Variants in CTDP1 observed in about 807,000 individuals in gnomAD.
The protein encoded by CTDP1 is RNA polymerase II subunit A C-terminal domain phosphatase.
A neutral mutation model predicts 91.8 loss-of-function variants in CTDP1; 47 were observed. The observed-to-expected ratio is 0.51, with a 90% CI of 0.41 to 0.65. The LOEUF is 0.65. Among genes scored for constraint, CTDP1 ranks in the 30% least tolerant of loss-of-function variants. The pLI is 0.00. For synonymous variants in CTDP1, 656 were observed against 598.5 expected, an observed-to-expected ratio of 1.10 and a Z score of -1.40; for missense variants, 1,272 against 1,373.7, an observed-to-expected ratio of 0.93 and a Z score of 1.17.
At chr18:79,731,943 C>T (rs1428960389) in intron 11 of CTDP1, among the ~76,000 whole-genome samples, 2 of 151,568 alleles carry the variant, frequency 1.3e-5, no homozygotes, top group Non-Finnish European at 2.9e-5. Flanking sequence ...TAGGAGTGCT[C>T]CCCAAATCAG....
chr18:79,683,119 C>T (rs2085408970), intron 1 of CTDP1: 1 of 152,252 alleles, frequency 6.6e-6, no homozygotes, highest in East Asian at 1.9e-4. Context: ...GAACTGCCTT[C>T]AACCGTCATT....
At chr18:79,690,473 G>A (rs548039237) in intron 1 of CTDP1, among the ~76,000 whole-genome samples, 15 of 152,300 alleles carry the variant, frequency 9.8e-5, no homozygotes, top group Admixed American at 3.9e-4. Flanking sequence ...TTGTGTATCC[G>A]CATTCAAGAA....
chr18:79,714,723 C>A lies in CTDP1; in HGVS notation c.1263C>A (p.Gly421=). The change falls in exon 8 of 13, where the codon GGC becomes GGA. Residue 421 remains glycine, a synonymous_variant. Coordinates refer to ENST00000613122, the MANE Select transcript of CTDP1 (RefSeq NM_004715.5). ...QAPTSSQELA[G]APEPQGSCAQ... is the part of the protein sequence containing the mutation. ...CCACCAGCAGCCAAGAGCTGGCAGG[C>A]GCTCCTGAGCCCCAGGGATCCTGTG... 1 of 1,603,506 alleles carries A rather than the reference C, an allele frequency of 6.2e-7. No individual in the cohort carries two copies. The highest frequency in any genetic ancestry group is 8.5e-7 in the Non-Finnish European group (1 of 1,175,760).
At chr18:79,681,395 T>C (rs1239838773) in intron 1 of CTDP1, 3 of 923,556 alleles carry the variant, frequency 3.2e-6, no homozygotes, top group East Asian at 2.3e-4. Context: ...CCTGGGAGGA[T>C]TGTGGAGGCA....
intron 12 of CTDP1, among the ~76,000 whole-genome samples, chr18:79,747,372 C>T (rs968263376): frequency 2.0e-5 from 3 of 152,210 alleles, no homozygotes; most frequent in East Asian, 1.9e-4. Context: ...GTGGCATCCC[C>T]GCTGGGGCCC....
chr18:79,748,519 GT>G (rs2086925748), intron 12 of CTDP1, among the ~76,000 whole-genome samples: 1 of 152,268 alleles, frequency 6.6e-6, no homozygotes, highest in African/African-American at 2.4e-5. Context: ...TTTTTCCAAA[GT>G]GCGTGGAGGA....
chr18:79,702,685 A>G (rs958318963), intron 4 of CTDP1: 1 of 148,900 alleles, frequency 6.7e-6, no homozygotes, highest in Non-Finnish European at 1.5e-5. Context: ...ATTTTTAATA[A>G]TAAAGTATTT....
intron 6 of CTDP1, among the ~76,000 whole-genome samples, chr18:79,710,739 G>A (rs957761594): frequency 4.0e-5 from 5 of 126,004 alleles, no homozygotes; most frequent in Non-Finnish European, 7.9e-5. Flanking sequence ...TACAGACGGT[G>A]GTTTCACTGT....
At chr18:79,744,415 C>G (rs1012920641) in intron 12 of CTDP1, among the ~76,000 whole-genome samples, 4 of 152,056 alleles carry the variant, frequency 2.6e-5, no homozygotes, top group African/African-American at 9.7e-5. Context: ...CAAAAGAAAA[C>G]AGAAAAGGGA....
At position 79,697,215 on chromosome 18, in the gene CTDP1, T is replaced by TC. The variant is rs781628124; in HGVS notation, c.493-639dup. Among the ~76,000 whole-genome samples the TC allele has an allele frequency of 1.5e-4, 23 of 151,556 alleles. 1 individual carries two copies. The highest frequency in any genetic ancestry group is 5.2e-4 in the Admixed American group (8 of 15,248). Reference sequence around the variant, plus strand: ...CTTCGGGGATGGGCACGGGAGGAGGTCCCCCCTGAGCGGGACCAGGATTTT... The same window carrying TC: ...CTTCGGGGATGGGCACGGGAGGAGGTCCCCCCCTGAGCGGGACCAGGATTTT... On this transcript the variant is annotated intron_variant, in intron 3 of 12. Coordinates refer to ENST00000613122, the MANE Select transcript of CTDP1 (RefSeq NM_004715.5).
rs1395343141 is a variant in CTDP1, at chr18:79,700,793, G to C, written c.621+2805G>C. Among the ~76,000 whole-genome samples the C allele has an allele frequency of 1.3e-5, 2 of 152,182 alleles. 1 individual carries two copies. Among genetic ancestry groups the C allele is most frequent in the South Asian group, 4.2e-4 (2 of 4,804 alleles). On this transcript the variant is annotated intron_variant, in intron 4 of 12. Coordinates refer to ENST00000613122, the MANE Select transcript of CTDP1 (RefSeq NM_004715.5). ...GTCTAGGACTTTCATAGCTGGAGAG[G>C]AGAAGTCAGTGTCTGGCTTCAAAGG...
chr18:79,691,088 T>C (rs2085610826), intron 1 of CTDP1, among the ~76,000 whole-genome samples: 1 of 152,196 alleles, frequency 6.6e-6, no homozygotes, highest in South Asian at 2.1e-4. Context: ...ACCCAGCTGT[T>C]ACAGCTGCTG....
chr18:79,712,978 C>G lies in CTDP1; in HGVS notation c.870C>G (p.Leu290=). ...TATGCATTTTCACTTGTAGAAATCT[C>G]TTTCCTTGTGGAGACTCAATGGTTT... ...PFSKTGNLRN[L]FPCGDSMVCI... is the part of the protein sequence containing the mutation. Residue 290 remains leucine (L), a synonymous_variant, in exon 7 of 13, where the codon CTC becomes CTG. Coordinates refer to ENST00000613122, the MANE Select transcript of CTDP1 (RefSeq NM_004715.5). 6.2e-7 allele frequency: 1 copy of G among 1,614,050 alleles called. No homozygotes were observed. Among genetic ancestry groups the G allele is most frequent in the East Asian group, 2.2e-5 (1 of 44,882 alleles).
At chr18:79,720,113 GGAA>G (rs2086306845) in intron 10 of CTDP1, among the ~76,000 whole-genome samples, 1 of 148,846 alleles carries the variant, frequency 6.7e-6, no homozygotes, top group African/African-American at 2.5e-5. Flanking sequence ...CCCATCATTA[GGAA>G]GGCATCCTGG....
At chr18:79,736,572 G>C in intron 12 of CTDP1, 51 bp downstream of exon 12, 1 of 1,475,976 alleles carries the variant, frequency 6.8e-7, no homozygotes, top group Non-Finnish European at 9.0e-7. Context: ...TCCCGGAGGT[G>C]ACTCTGCAGT....
At chr18:79,694,415 G>A (rs111520663) in intron 1 of CTDP1, among the ~76,000 whole-genome samples, 1 of 112,470 alleles carries the variant, frequency 8.9e-6, no homozygotes, top group South Asian at 3.9e-4. Context: ...CGCGGTGGTC[G>A]GAGCAGCCCG....
chr18:79,701,063 A>G (rs1430469694), intron 4 of CTDP1, among the ~76,000 whole-genome samples: 1 of 152,198 alleles, frequency 6.6e-6, no homozygotes, highest in Non-Finnish European at 1.5e-5. Flanking sequence ...CTTCTAAGAA[A>G]TATTCCTGCT....
intron 12 of CTDP1, among the ~76,000 whole-genome samples, chr18:79,738,904 G>A (rs1332465583): frequency 6.6e-6 from 1 of 152,244 alleles, no homozygotes; most frequent in Non-Finnish European, 1.5e-5. Context: ...CGTATTGGGT[G>A]ATAACAAGCC....
Position 79,680,254 on chromosome 18 carries a change from GC to G in CTDP1, c.311del (p.Pro104GlnfsTer6), listed in dbSNP as rs1434189449. The G allele has an allele frequency of 1.5e-6, 2 of 1,290,368 alleles. No homozygotes were observed. Among genetic ancestry groups the G allele is most frequent in the East Asian group, 3.1e-5 (1 of 31,834 alleles). 79.9% of individuals were successfully genotyped at this position (1,290,368 alleles called of 1,614,324 possible). On this transcript the variant is annotated frameshift_variant, in exon 1 of 13. Transcript: ENST00000613122. LOFTEE classifies it high-confidence loss of function. ...GTGCGCGCAGCCGGGCCAGGTGGTC[GC>G]CCCAGGGTGAGTGTGCTGAGCCGGG... The part of the protein sequence containing the change: ...ELCAQPGQVV[A>X]PGAVLVRLEG...
Sources: gnomAD v4.1 joint callset for allele counts (sites outside exome capture counted in the v4.1 genomes callset) on GRCh38, gnomAD v4.1.1 for gene constraint, MANE v1.5 for transcripts, NCBI Gene and HGNC (gene_info 2026-07-23, HGNC 2026-07-21) for gene names.